UPRT: variants seen among roughly 807,000 people sequenced by gnomAD.
UPRT encodes the protein RP11-311P8.3.
A neutral mutation model predicts 22.6 loss-of-function variants in UPRT; 5 were observed. That is an observed-to-expected ratio of 0.22 (90% CI 0.12 to 0.47). The LOEUF (loss-of-function observed/expected upper bound fraction) is 0.47. UPRT is among the 20% of genes least tolerant of loss of function. The pLI is 0.99. For missense variants in UPRT, 181 were observed against 239.9 expected, an observed-to-expected ratio of 0.75 and a Z score of 1.62; for synonymous variants, 77 against 87.7, an observed-to-expected ratio of 0.88 and a Z score of 0.68.
At chrX:75,203,499 C>G (rs2082353740) in intron 4 of UPRT, among the ~76,000 whole-genome samples, 1 of 103,931 alleles carries the variant, frequency 9.6e-6, no homozygotes, top group Non-Finnish European at 1.9e-5. Context: ...CACACACACA[C>G]ACACACACAC....
At chrX:75,294,246 A>G (rs2082718055) in intron 2 of UPRT, among the ~76,000 whole-genome samples, 1 of 111,226 alleles carries the variant, frequency 9.0e-6, no homozygotes, top group Non-Finnish European at 1.9e-5. Context: ...ATATTTATAT[A>G]TAGTTTAATG....
chrX:75,297,735 A>AT, intron 4 of UPRT, 182 bp downstream of exon 4: 1 of 491,364 alleles, frequency 2.0e-6, no homozygotes, highest in Non-Finnish European at 3.5e-6. Flanking sequence ...GGTTTGGCTA[A>AT]TTTTAACTAC....
intron 4 of UPRT, among the ~76,000 whole-genome samples, chrX:75,217,944 A>C (rs1158130776): frequency 9.0e-6 from 1 of 111,589 alleles, no homozygotes; most frequent in African/African-American, 3.3e-5. Context: ...CTAGAAGAAA[A>C]CCTAGGCATT....
intron 4 of UPRT, among the ~76,000 whole-genome samples, chrX:75,177,311 G>A (rs745869416): frequency 9.0e-6 from 1 of 111,379 alleles, no homozygotes; most frequent in African/African-American, 3.3e-5. Flanking sequence ...ACTTACCGAC[G>A]CAGCAGCAGA....
In UPRT at chrX:75,173,002, A is replaced by G. The variant is rs958401883; in HGVS notation, c.-447+5123A>G. Among the ~76,000 whole-genome samples the G allele has an allele frequency of 2.7e-5, 3 of 111,211 alleles. No individual in the cohort carries two copies. The Admixed American group carries it at 2.8e-4, about 11-fold the overall frequency. On this transcript the variant is annotated intron_variant, in intron 4 of 13. Transcript: ENST00000652605. ...TATTCTCTCATCTGGCCTCACCTAC[A>G]TCCTGCTGATTGGTAGAGCCGAGTG...
chrX:75,169,486 C>A (rs1029214606), intron 4 of UPRT, among the ~76,000 whole-genome samples: 4 of 111,313 alleles, frequency 3.6e-5, no homozygotes, highest in Non-Finnish European at 7.5e-5. Flanking sequence ...AGTGTTATTG[C>A]ACTGTGGTTT....
intron 1 of UPRT, among the ~76,000 whole-genome samples, chrX:75,281,053 T>G (rs923365776): frequency 6.3e-5 from 7 of 111,338 alleles, no homozygotes; most frequent in Non-Finnish European, 9.4e-5. Context: ...GAGTTCTTGA[T>G]TTGATTCTCA....
intron 4 of UPRT, among the ~76,000 whole-genome samples, chrX:75,254,913 C>T (rs1602476468): frequency 9.1e-6 from 1 of 109,760 alleles, no homozygotes; most frequent in East Asian, 2.9e-4. Flanking sequence ...GTAGCTGGGA[C>T]TACAGGCGCC....
chrX:75,255,454 A>G (rs1269978925), intron 4 of UPRT, among the ~76,000 whole-genome samples: 1 of 111,464 alleles, frequency 9.0e-6, no homozygotes, highest in Non-Finnish European at 1.9e-5. Context: ...CAATTAAACA[A>G]AATCAAAAAT....
In UPRT at chrX:75,262,029, A is replaced by G. The variant is rs141848288; in HGVS notation, c.-446-28995A>G. Among the ~76,000 whole-genome samples, 625 of 111,645 alleles carry G rather than the reference A, an allele frequency of 5.6e-3. 4 individuals carry two copies. Among genetic ancestry groups the G allele is most frequent in the African/African-American group, 0.02 (601 of 30,721 alleles). On this transcript the variant is annotated intron_variant, in intron 4 of 13. Transcript: ENST00000652605. ...GAAGGAAAAAATGTTAAGGGCAGCCAGAGAGAAAGGTCAGCTTACCCACAA... is the reference window on the plus strand; with the variant it reads ...GAAGGAAAAAATGTTAAGGGCAGCCGGAGAGAAAGGTCAGCTTACCCACAA...
At chrX:75,235,015 A>T (rs1314342306) in intron 4 of UPRT, among the ~76,000 whole-genome samples, 1 of 112,017 alleles carries the variant, frequency 8.9e-6, no homozygotes, top group Non-Finnish European at 1.9e-5. Context: ...TTTTGAAAAG[A>T]TCAACAAAAT....
chrX:75,173,861 C>T (rs1026733407), intron 4 of UPRT, among the ~76,000 whole-genome samples: 4 of 112,293 alleles, frequency 3.6e-5, no homozygotes, highest in South Asian at 3.7e-4. Flanking sequence ...CCTCATTGCC[C>T]GGGGCTGGCA....
chrX:75,286,305 T>TAG (rs2082679621), intron 1 of UPRT, among the ~76,000 whole-genome samples: 2 of 22,680 alleles, frequency 8.8e-5, no homozygotes, highest in South Asian at 8.7e-3. Flanking sequence ...ACAAATTTAC[T>TAG]TGGGGGGGGG....
chrX:75,179,192 G>C (rs2082260699), intron 4 of UPRT, among the ~76,000 whole-genome samples: 1 of 110,712 alleles, frequency 9.0e-6, no homozygotes. Context: ...GGCCCCACCA[G>C]AGCAGCTAGA....
chrX:75,192,436 G>T (rs781384185), intron 4 of UPRT, among the ~76,000 whole-genome samples: 1 of 111,005 alleles, frequency 9.0e-6, no homozygotes, highest in Non-Finnish European at 1.9e-5. Context: ...TGTATATTCC[G>T]TTGTTTTTGG....
At chrX:75,287,467 A>T (rs1255347859) in intron 1 of UPRT, among the ~76,000 whole-genome samples, 1 of 111,737 alleles carries the variant, frequency 8.9e-6, no homozygotes, top group East Asian at 2.8e-4. Context: ...AAAAGGTTTC[A>T]TGTTGTTTTG....
chrX:75,187,306 T>A (rs1216459365), intron 4 of UPRT, among the ~76,000 whole-genome samples: 1 of 111,324 alleles, frequency 9.0e-6, no homozygotes, highest in Non-Finnish European at 1.9e-5. Flanking sequence ...GGATATGAAA[T>A]TCTGGGTTGA....
At chrX:75,230,171 C>T (rs937057173) in intron 4 of UPRT, among the ~76,000 whole-genome samples, 2 of 111,454 alleles carry the variant, frequency 1.8e-5, no homozygotes, top group Non-Finnish European at 3.8e-5. Context: ...CTGTATGACA[C>T]AGCAGAGGCA....
chrX:75,172,730 C>T (rs939310593), intron 4 of UPRT, among the ~76,000 whole-genome samples: 6 of 109,846 alleles, frequency 5.5e-5, no homozygotes, highest in African/African-American at 2.0e-4. Flanking sequence ...CAGACTTTCG[C>T]GGTGAGTGTA....
Sources: allele counts gnomAD v4.1 joint callset (sites outside exome capture counted in the v4.1 genomes callset), GRCh38; gene constraint gnomAD v4.1.1; transcripts MANE v1.5; gene names NCBI Gene and HGNC (gene_info 2026-07-23, HGNC 2026-07-21).